Variants in JMJD1C observed in about 807,000 individuals in gnomAD.
JMJD1C encodes the protein jumonji domain-containing protein 1C.
A neutral mutation model predicts 245.3 loss-of-function variants in JMJD1C; 31 were observed. That is an observed-to-expected ratio of 0.13 (90% CI 0.09 to 0.17). The LOEUF (loss-of-function observed/expected upper bound fraction) is 0.17. JMJD1C is among the 10% of genes least tolerant of loss of function. The pLI, the probability that JMJD1C is intolerant of heterozygous loss-of-function variation, is 1.00. For missense variants in JMJD1C, 2,691 were observed against 3,000.2 expected (o/e 0.90, Z 2.41); for synonymous variants, 1,057 against 1,017.4 (o/e 1.04, Z -0.74).
Position 63,232,725 on chromosome 10 carries a change from T to C in JMJD1C, c.448-12742A>G, listed in dbSNP as rs545519569. 7.9e-5 allele frequency among the ~76,000 whole-genome samples: 12 copies of C among 152,262 alleles called. 1 individual carries two copies. The South Asian group carries it at 2.1e-3, about 26-fold the overall frequency. ...GTATATGTCATGAGAAATTATGAAA[T>C]GGTAAAAGGGTTCTGAATTTTAAAG... On this transcript the variant is annotated intron_variant, in intron 3 of 25. Transcript: ENST00000399262.
chr10:63,389,186 C>T (rs1037637247), intron 1 of JMJD1C, among the ~76,000 whole-genome samples: 2 of 151,612 alleles, frequency 1.3e-5, no homozygotes, highest in African/African-American at 4.8e-5. Context: ...TGGTGACATG[C>T]CTGTAATCCC....
At chr10:63,329,038 T>C (rs921384167) in intron 2 of JMJD1C, among the ~76,000 whole-genome samples, 1 of 152,132 alleles carries the variant, frequency 6.6e-6, no homozygotes, top group African/African-American at 2.4e-5. Flanking sequence ...TCCCAGCACT[T>C]TGAAAGGCTG....
chr10:63,317,862 C>T (rs1268137033), intron 2 of JMJD1C, among the ~76,000 whole-genome samples: 1 of 152,002 alleles, frequency 6.6e-6, no homozygotes, highest in Admixed American at 6.6e-5. Context: ...CTTTTCTTTT[C>T]GAGACAGGGC....
intron 1 of JMJD1C, among the ~76,000 whole-genome samples, chr10:63,479,691 G>C (rs1450030868): frequency 6.6e-6 from 1 of 152,094 alleles, no homozygotes; most frequent in African/African-American, 2.4e-5. Flanking sequence ...GTGGTAGTAA[G>C]ATCTAGATCT....
chr10:63,484,260 AGATAGATAGATAAGAT>A (rs1322531605), intron 1 of JMJD1C, among the ~76,000 whole-genome samples: 1 of 53,324 alleles, frequency 1.9e-5, no homozygotes, highest in African/African-American at 6.6e-5. Context: ...ATAGATAGAT[AGATAGATAGATAAGAT>A]AGATAGATAA....
intron 2 of JMJD1C, among the ~76,000 whole-genome samples, chr10:63,292,094 G>T (rs1363962633): frequency 7.2e-6 from 1 of 139,156 alleles, no homozygotes; most frequent in African/African-American, 2.7e-5. Context: ...GGGAACTATA[G>T]GCACACGCCA....
At position 63,465,714 on chromosome 10, in the gene JMJD1C, G is replaced by A. The variant is rs1245392709; in HGVS notation, c.-52C>T. The A allele has an allele frequency of 3.1e-6, 5 of 1,591,224 alleles. No individual in the cohort carries two copies. Among genetic ancestry groups the A allele is most frequent in the Non-Finnish European group, 4.3e-6 (5 of 1,171,300 alleles). Reference sequence around the variant, plus strand: ...CCTCCTCCAGTGCGAGGGAACCGATGAAACCTCACTCCTACCGGCCGCTCA... The same window carrying A: ...CCTCCTCCAGTGCGAGGGAACCGATAAAACCTCACTCCTACCGGCCGCTCA... On this transcript the variant is annotated 5_prime_UTR_variant, in exon 1 of 26. Coordinates refer to ENST00000399262, the MANE Select transcript of JMJD1C (RefSeq NM_032776.3).
intron 1 of JMJD1C, among the ~76,000 whole-genome samples, chr10:63,388,520 T>A (rs1335384728): frequency 1.3e-5 from 2 of 152,044 alleles, no homozygotes; most frequent in African/African-American, 4.8e-5. Flanking sequence ...ATGGTATCTA[T>A]CATCATGAAA....
intron 2 of JMJD1C, among the ~76,000 whole-genome samples, chr10:63,274,643 G>C (rs1856619164): frequency 6.6e-6 from 1 of 152,100 alleles, no homozygotes; most frequent in African/African-American, 2.4e-5. Flanking sequence ...GTGTATCACA[G>C]TTTCAAACCT....
At position 63,337,624 on chromosome 10, in the gene JMJD1C, A is replaced by AAAAGAAAAG. The variant is rs139374030; in HGVS notation, c.333+42693_333+42694insCTTTTCTTT. On this transcript the variant is annotated intron_variant, in intron 2 of 25. Coordinates refer to ENST00000399262, the MANE Select transcript of JMJD1C (RefSeq NM_032776.3). Reference sequence around the variant, plus strand: ...AAAAGAAAAGAAAAGAAAAGAAAAGAAAAAGAAAAGAAAAAAAATCCGCTA... The same window carrying AAAAGAAAAG: ...AAAAGAAAAGAAAAGAAAAGAAAAGAAAAGAAAAGAAAAGAAAAGAAAAAAAATCCGCTA... Among the ~76,000 whole-genome samples the AAAAGAAAAG allele has an allele frequency of 1.5e-3, 89 of 60,110 alleles. 6 individuals carry two copies. Among genetic ancestry groups the AAAAGAAAAG allele is most frequent in the African/African-American group, 4.1e-3 (56 of 13,504 alleles). The allele number at this position is 60,110 out of a possible 152,430, so 39.4% of individuals were successfully genotyped here.
rs997449600 is a variant in JMJD1C, at chr10:63,362,086, T to C, written c.333+18232A>G. Among the ~76,000 whole-genome samples the C allele has an allele frequency of 3.9e-5, 6 of 151,972 alleles. No individual in the cohort carries two copies. In the East Asian group the frequency reaches 7.7e-4, roughly 20 times the overall value. ...CCCATTGCTACTAAAAATACAAAAA[T>C]TGGCCGGGCATAGTGGCACATGTCT... On this transcript the variant is annotated intron_variant, in intron 2 of 25. Coordinates refer to ENST00000399262, the MANE Select transcript of JMJD1C (RefSeq NM_032776.3).
At chr10:63,355,817 T>A (rs545868492) in intron 2 of JMJD1C, among the ~76,000 whole-genome samples, 153 of 151,948 alleles carry the variant, frequency 1.0e-3, no homozygotes, top group Middle Eastern at 3.4e-3. Flanking sequence ...GGGCGCCCAG[T>A]GAGAAAGCAA....
chr10:63,288,682 C>A (rs1858268309), intron 2 of JMJD1C, among the ~76,000 whole-genome samples: 1 of 152,030 alleles, frequency 6.6e-6, no homozygotes, highest in East Asian at 1.9e-4. Flanking sequence ...GTGTTTGAGA[C>A]CAGCCTGGCC....
At chr10:63,517,108 C>A (rs1477329230) in intron 1 of JMJD1C, among the ~76,000 whole-genome samples, 1 of 152,182 alleles carries the variant, frequency 6.6e-6, no homozygotes, top group Non-Finnish European at 1.5e-5. Context: ...TTTTTAGCCA[C>A]TGAAAATGCT....
intron 3 of JMJD1C, among the ~76,000 whole-genome samples, chr10:63,232,756 A>G (rs1191638988): frequency 6.6e-6 from 1 of 152,206 alleles, no homozygotes; most frequent in Non-Finnish European, 1.5e-5. Context: ...TAAAGTCTCA[A>G]GATTTTAACA....
At chr10:63,403,598 G>A (rs983493328) in intron 1 of JMJD1C, among the ~76,000 whole-genome samples, 5 of 152,186 alleles carry the variant, frequency 3.3e-5, no homozygotes, top group Admixed American at 1.3e-4. Context: ...CCTTAAGTGC[G>A]AACGCTGTTT....
intron 1 of JMJD1C, among the ~76,000 whole-genome samples, chr10:63,519,916 A>G (rs1288414094): frequency 2.0e-5 from 3 of 152,240 alleles, no homozygotes; most frequent in African/African-American, 7.2e-5. Context: ...TTATTGAACA[A>G]GAGAGTTCGC....
At chr10:63,282,146 G>T (rs1857483141) in intron 2 of JMJD1C, among the ~76,000 whole-genome samples, 1 of 152,098 alleles carries the variant, frequency 6.6e-6, no homozygotes, top group Non-Finnish European at 1.5e-5. Flanking sequence ...TGTTTCTTGT[G>T]CAGTATAAGT....
At chr10:63,370,668 T>C (rs1459390949) in intron 2 of JMJD1C, among the ~76,000 whole-genome samples, 6 of 152,256 alleles carry the variant, frequency 3.9e-5, no homozygotes, top group Non-Finnish European at 1.5e-5. Flanking sequence ...TCATTATATT[T>C]TACTTTGTTA....
Sources: allele counts gnomAD v4.1 joint callset (sites outside exome capture counted in the v4.1 genomes callset), GRCh38; gene constraint gnomAD v4.1.1; transcripts MANE v1.5; gene names NCBI Gene and HGNC (gene_info 2026-07-23, HGNC 2026-07-21).